The following TMEM178B variants were observed in gnomAD, a reference collection of about 807,000 sequenced individuals.
TMEM178B encodes the protein transmembrane protein 178B.
Under a neutral mutation model 31.0 loss-of-function variants are expected in TMEM178B, and 5 were observed. The observed-to-expected ratio is 0.16, with a 90% CI of 0.08 to 0.34. TMEM178B has a LOEUF of 0.34. TMEM178B is among the 10% of genes least tolerant of loss of function. The pLI is 1.00. For missense variants in TMEM178B, 275 were observed against 400.3 expected, an observed-to-expected ratio of 0.69 and a Z score of 2.67; for synonymous variants, 164 against 164.0, an observed-to-expected ratio of 1.00 and a Z score of 0.00.
intron 2 of TMEM178B, among the ~76,000 whole-genome samples, chr7:141,377,654 A>G (rs1800242380): frequency 6.6e-6 from 1 of 152,100 alleles, no homozygotes; most frequent in Non-Finnish European, 1.5e-5. Flanking sequence ...CTGGGCAACA[A>G]AGAGTGAAAC....
the TMEM178B span, among the ~76,000 whole-genome samples, chr7:141,507,842 C>A: frequency 6.6e-6 from 1 of 152,190 alleles, no homozygotes; most frequent in Non-Finnish European, 1.5e-5. Context: ...TTGCACACAG[C>A]ACAGGCACAC....
rs952942220 is a variant in TMEM178B, at chr7:141,271,266, C to A, written c.496+58562C>A. ...TCTCTCCATGTCCCAAGCATTGTAG[C>A]AAGTACTCTCAGTCATCTCTGCCTT... On this transcript the variant is annotated intron_variant, in intron 2 of 3. Transcript: ENST00000565468. 2.0e-5 allele frequency among the ~76,000 whole-genome samples: 3 copies of A among 152,182 alleles called. No individual in the cohort carries two copies. The South Asian group carries it at 6.2e-4, about 32-fold the overall frequency.
intron 1 of TMEM178B, among the ~76,000 whole-genome samples, chr7:141,119,903 C>T (rs1795382336): frequency 6.6e-6 from 1 of 152,164 alleles, no homozygotes; most frequent in South Asian, 2.1e-4. Context: ...CTGCCATCAC[C>T]ATGGGATTAA....
intron 2 of TMEM178B, among the ~76,000 whole-genome samples, chr7:141,425,655 G>A (rs1441844227): frequency 1.3e-5 from 2 of 152,142 alleles, no homozygotes; most frequent in East Asian, 3.8e-4. Context: ...TCTGCCTCTT[G>A]GTCTTGCGTT....
chr7:141,404,312 A>G (rs1475223690), intron 2 of TMEM178B, among the ~76,000 whole-genome samples: 2 of 152,176 alleles, frequency 1.3e-5, no homozygotes, highest in East Asian at 1.9e-4. Context: ...CTCAAAAACA[A>G]AAACAAAAAC....
At chr7:141,317,465 G>A (rs1237035542) in intron 2 of TMEM178B, among the ~76,000 whole-genome samples, 1 of 152,200 alleles carries the variant, frequency 6.6e-6, no homozygotes, top group African/African-American at 2.4e-5. Flanking sequence ...GTCAGGCTGA[G>A]GCTATGTCTT....
At chr7:141,103,732 T>A (rs1396608480) in intron 1 of TMEM178B, among the ~76,000 whole-genome samples, 1 of 152,216 alleles carries the variant, frequency 6.6e-6, no homozygotes, top group Non-Finnish European at 1.5e-5. Context: ...AATAATGAGA[T>A]GTGGTTTTTG....
At chr7:141,126,315 G>A (rs1246084756) in intron 1 of TMEM178B, among the ~76,000 whole-genome samples, 1 of 152,196 alleles carries the variant, frequency 6.6e-6, no homozygotes, top group Non-Finnish European at 1.5e-5. Flanking sequence ...CCTGGAGGAG[G>A]TGAATGGGAG....
chr7:141,486,819 G>C, the TMEM178B span, among the ~76,000 whole-genome samples: 25 of 152,106 alleles, frequency 1.6e-4, no homozygotes, highest in Admixed American at 1.6e-3. Context: ...GGTAGGGAGA[G>C]ACCGGTAATG....
intron 1 of TMEM178B, among the ~76,000 whole-genome samples, chr7:141,092,672 A>G (rs747560958): frequency 4.6e-5 from 7 of 152,228 alleles, no homozygotes; most frequent in Admixed American, 1.3e-4. Context: ...CTCATATTCC[A>G]CTGAGAAAAT....
Position 141,422,013 on chromosome 7 carries a change from CT to C in TMEM178B, c.497-15593del, listed in dbSNP as rs1365136421. On this transcript the variant is annotated intron_variant, in intron 2 of 3. Coordinates refer to ENST00000565468, the MANE Select transcript of TMEM178B (RefSeq NM_001195278.2). This position sits in a 1 kb window ranked among gnomAD's most constrained non-coding sequence, Gnocchi z 4.2. ...TCAGATCTAATATCGGAACCTCAGT[CT>C]TATATTAATATTTAGTTTACATCTT... Among the ~76,000 whole-genome samples, 2 of 152,284 alleles carry C rather than the reference CT, an allele frequency of 1.3e-5. No homozygotes were observed. The highest frequency in any genetic ancestry group is 3.9e-4 in the East Asian group (2 of 5,186).
chr7:141,380,273 T>C (rs920450480), intron 2 of TMEM178B, among the ~76,000 whole-genome samples: 1 of 152,164 alleles, frequency 6.6e-6, no homozygotes, highest in Non-Finnish European at 1.5e-5. Flanking sequence ...ATTTGTTCAC[T>C]GTGCACAAAA....
chr7:141,204,039 C>T (rs900810113), intron 1 of TMEM178B, among the ~76,000 whole-genome samples: 1 of 152,162 alleles, frequency 6.6e-6, no homozygotes, highest in Non-Finnish European at 1.5e-5. Context: ...TCAAAGTAAC[C>T]GCAAGACTAA....
intron 2 of TMEM178B, among the ~76,000 whole-genome samples, chr7:141,280,303 T>G (rs919154612): frequency 1.3e-5 from 2 of 152,166 alleles, no homozygotes; most frequent in African/African-American, 4.8e-5. Flanking sequence ...TGATATAGTT[T>G]GGCTGTGTCC....
intron 2 of TMEM178B, among the ~76,000 whole-genome samples, chr7:141,310,313 C>T (rs919498786): frequency 2.1e-4 from 32 of 151,200 alleles, no homozygotes; most frequent in South Asian, 1.1e-3. Context: ...ATGAGGCCAA[C>T]AAATATGAAA....
intron 2 of TMEM178B, among the ~76,000 whole-genome samples, chr7:141,356,541 C>A (rs1799822384): frequency 6.8e-6 from 1 of 146,444 alleles, no homozygotes; most frequent in African/African-American, 2.5e-5. Flanking sequence ...CTGTTCATGT[C>A]TTTTGCTCGC....
At chr7:141,507,160 T>G in the TMEM178B span, among the ~76,000 whole-genome samples, 1,620 of 152,232 alleles carry the variant, frequency 0.011, 27 homozygotes, top group Middle Eastern at 0.065. Context: ...TGTCGGTGCA[T>G]CTACTATTCT....
chr7:141,092,912 G>A (rs752621920), intron 1 of TMEM178B, among the ~76,000 whole-genome samples: 13 of 152,110 alleles, frequency 8.5e-5, no homozygotes, highest in Non-Finnish European at 1.8e-4. Flanking sequence ...TTCAAGTGGA[G>A]GGAATAACAA....
At chr7:141,290,600 C>A (rs986292098) in intron 2 of TMEM178B, among the ~76,000 whole-genome samples, 1 of 152,194 alleles carries the variant, frequency 6.6e-6, no homozygotes, top group Non-Finnish European at 1.5e-5. Flanking sequence ...TAAACACATG[C>A]ACACACACGC....
Sources: allele counts gnomAD v4.1 joint callset (sites outside exome capture counted in the v4.1 genomes callset), GRCh38; gene constraint gnomAD v4.1.1; non-coding constraint Gnocchi (gnomAD v3.1); transcripts MANE v1.5; gene names NCBI Gene and HGNC (gene_info 2026-07-23, HGNC 2026-07-21).